MTREX: variants seen among roughly 807,000 people sequenced by gnomAD.
The protein encoded by MTREX is Mtr4 exosome RNA helicase.
A neutral mutation model predicts 135.4 loss-of-function variants in MTREX; 76 were observed. That is an observed-to-expected ratio of 0.56 (90% CI 0.47 to 0.68). MTREX has a LOEUF of 0.68. MTREX is among the 30% of genes least tolerant of loss of function. The probability of loss-of-function intolerance (pLI) is 0.00; values close to 1 mark genes in which losing one functional copy is unlikely to be tolerated. For synonymous variants in MTREX, 404 were observed against 401.6 expected, an observed-to-expected ratio of 1.01 and a Z score of -0.07; for missense variants, 920 against 1,262.1, an observed-to-expected ratio of 0.73 and a Z score of 4.11.
At chr5:55,364,895 C>T (rs1289069625) in intron 15 of MTREX, among the ~76,000 whole-genome samples, 1 of 152,096 alleles carries the variant, frequency 6.6e-6, no homozygotes, top group Non-Finnish European at 1.5e-5. Flanking sequence ...TGAGGAAGAG[C>T]AAGAGAGAGA....
Position 55,322,435 on chromosome 5 carries a change from G to C in MTREX, c.243G>C (p.Arg81Ser), listed in dbSNP as rs1405037557. Residue 81 changes from arginine (R) to serine (S), a missense_variant, in exon 2 of 27, where the codon AGG becomes AGC. By Grantham distance (110) the Arg-to-Ser change is moderately radical. Coordinates refer to ENST00000230640, the MANE Select transcript of MTREX (RefSeq NM_015360.5). ...AACCCATTTTTGGAAAGAAGCCCAG[G>C]ATAGAAGAGTCAATAACTGAAGACT... ...TDEPIFGKKP[R>S]IEESITEDLS... 1 of 1,604,712 alleles carries C rather than the reference G, an allele frequency of 6.2e-7. No homozygotes were observed. Among genetic ancestry groups the C allele is most frequent in the African/African-American group, 1.3e-5 (1 of 74,498 alleles).
chr5:55,418,010 G>A lies in MTREX; in HGVS notation c.2971+1878G>A, dbSNP rs548650944. On this transcript the variant is annotated intron_variant, in intron 25 of 26. Transcript: ENST00000230640. The stretch of plus-strand genomic sequence containing the variant: ...AACACTTTGGGAGGCCGAGGCGGGC[G>A]GATCAGGAGGTCAGGAAATCGAGAC... Among the ~76,000 whole-genome samples, 125 of 151,362 alleles carry A rather than the reference G, an allele frequency of 8.3e-4. 3 individuals are homozygous for A. In the South Asian group the frequency reaches 0.024, roughly 29 times the overall value.
At chr5:55,415,612 G>A in intron 24 of MTREX, among the ~76,000 whole-genome samples, 1 of 152,146 alleles carries the variant, frequency 6.6e-6, no homozygotes, top group Non-Finnish European at 1.5e-5. Context: ...TTTTGCTCTA[G>A]GATTTGTATT....
chr5:55,417,713 A>G (rs910254470), intron 25 of MTREX, among the ~76,000 whole-genome samples: 7 of 152,198 alleles, frequency 4.6e-5, no homozygotes, highest in African/African-American at 1.4e-4. Context: ...GGGCGATCAC[A>G]TAGAGCACCA....
In MTREX at chr5:55,388,014, T is replaced by C; in HGVS notation, c.2093T>C (p.Val698Ala). ...GELDPLYVVE[V>A]LLRCSKESLK... ...CTGGATCCTTTGTATGTAGTAGAAGTACTTCTGCGCTGTAGCAAAGAGAGC... is the reference window on the plus strand; with the variant it reads ...CTGGATCCTTTGTATGTAGTAGAAGCACTTCTGCGCTGTAGCAAAGAGAGC... The change falls in exon 19 of 27, where the codon GTA (valine) becomes GCA (alanine). Residue 698 changes from valine (V) to alanine (A), a missense_variant. Physicochemically the swap from Val to Ala is moderately conservative, Grantham distance 64. This residue lies in a region of MTREX where 467 missense variants were observed against 589.7 expected (regional missense o/e 0.79). Transcript: ENST00000230640. 1.2e-6 allele frequency: 2 copies of C among 1,605,552 alleles called. No individual in the cohort carries two copies. Among genetic ancestry groups the C allele is most frequent in the Non-Finnish European group, 8.5e-7 (1 of 1,174,036 alleles).
At chr5:55,345,053 A>T in intron 9 of MTREX, 41 bp from the exon 10 acceptor site, 1 of 1,139,294 alleles carries the variant, frequency 8.8e-7, no homozygotes, top group Non-Finnish European at 1.3e-6. Context: ...AATTATGATT[A>T]AGTATTAGTG....
chr5:55,333,204 T>C (rs1749503884), intron 5 of MTREX, among the ~76,000 whole-genome samples: 1 of 152,178 alleles, frequency 6.6e-6, no homozygotes, highest in Non-Finnish European at 1.5e-5. Flanking sequence ...TTGTATCTTA[T>C]ATTGTCATCT....
chr5:55,416,605 A>G (rs1750969350), intron 25 of MTREX, among the ~76,000 whole-genome samples: 1 of 152,194 alleles, frequency 6.6e-6, no homozygotes, highest in African/African-American at 2.4e-5. Flanking sequence ...CTGAAGAATA[A>G]TTGTTACTCA....
intron 24 of MTREX, among the ~76,000 whole-genome samples, chr5:55,414,737 C>A (rs1265368131): frequency 6.6e-6 from 1 of 152,180 alleles, no homozygotes; most frequent in Non-Finnish European, 1.5e-5. Flanking sequence ...GCAACCTCCA[C>A]CTTCCACGTT....
chr5:55,399,220 C>T (rs955486149), intron 20 of MTREX, among the ~76,000 whole-genome samples: 2 of 152,126 alleles, frequency 1.3e-5, no homozygotes, highest in African/African-American at 4.8e-5. Flanking sequence ...AAAGAGCTTG[C>T]CTTATTTGCT....
chr5:55,329,846 T>G (rs1050204287), intron 5 of MTREX, among the ~76,000 whole-genome samples: 5 of 152,140 alleles, frequency 3.3e-5, no homozygotes, highest in South Asian at 2.1e-4. Context: ...TACCTTGGTG[T>G]TGTTTTTGCA....
intron 4 of MTREX, among the ~76,000 whole-genome samples, chr5:55,328,237 T>C (rs2112039498): frequency 6.6e-6 from 1 of 152,320 alleles, no homozygotes; most frequent in African/African-American, 2.4e-5. Flanking sequence ...AGAGTATGCA[T>C]GAACTCTTAA....
intron 26 of MTREX, chr5:55,424,438 C>T (rs1751114499): frequency 8.8e-6 from 2 of 226,052 alleles, no homozygotes; most frequent in Admixed American, 5.2e-5. Flanking sequence ...AGCTACTGCG[C>T]CCGACCTAGC....
chr5:55,320,297 A>C (rs553809247), intron 1 of MTREX, among the ~76,000 whole-genome samples: 1 of 148,652 alleles, frequency 6.7e-6, no homozygotes, highest in Non-Finnish European at 1.5e-5. Context: ...AGCTCACTGC[A>C]GGCTCCACCT....
chr5:55,419,064 C>CA (rs1162594500), intron 25 of MTREX, among the ~76,000 whole-genome samples: 1 of 152,166 alleles, frequency 6.6e-6, no homozygotes, highest in Non-Finnish European at 1.5e-5. Context: ...AGGCTGGTCT[C>CA]AAACTCCTGG....
chr5:55,402,817 A>ATT (rs1750742367), intron 21 of MTREX, among the ~76,000 whole-genome samples: 3 of 66,134 alleles, frequency 4.5e-5, no homozygotes, highest in Non-Finnish European at 6.5e-5. Context: ...ATATAAGCAC[A>ATT]TTATATGTGT....
chr5:55,406,400 G>A (rs1209010406), intron 22 of MTREX, among the ~76,000 whole-genome samples: 1 of 152,166 alleles, frequency 6.6e-6, no homozygotes, highest in Non-Finnish European at 1.5e-5. Context: ...GCTGGTTTGG[G>A]CTTCTTCACA....
intron 18 of MTREX, among the ~76,000 whole-genome samples, chr5:55,383,278 T>C (rs1274360765): frequency 6.6e-6 from 1 of 152,218 alleles, no homozygotes; most frequent in Non-Finnish European, 1.5e-5. Context: ...TATTTTATTA[T>C]GTAGTTTAAA....
At chr5:55,362,719 C>T (rs1197577854) in intron 15 of MTREX, among the ~76,000 whole-genome samples, 1 of 152,070 alleles carries the variant, frequency 6.6e-6, no homozygotes, top group Admixed American at 6.6e-5. Context: ...AAAAAAAAAT[C>T]AGTTTTCATA....
Sources: gnomAD v4.1 joint callset for allele counts (sites outside exome capture counted in the v4.1 genomes callset) on GRCh38, gnomAD v4.1.1 for gene constraint, gnomAD v4.1.1 regional missense constraint, MANE v1.5 for transcripts, NCBI Gene and HGNC (gene_info 2026-07-23, HGNC 2026-07-21) for gene names.